Variants in GRHL2 observed in about 807,000 individuals in gnomAD.
The protein encoded by GRHL2 is grainyhead like transcription factor 2.
GRHL2 carries 21 observed loss-of-function variants against 83.8 expected under a neutral mutation model. The observed-to-expected ratio is 0.25, with a 90% CI of 0.18 to 0.36. GRHL2 has a LOEUF of 0.36. Ranked by LOEUF, GRHL2 falls within the 10% of genes least tolerant of loss-of-function variation. The pLI, the probability that GRHL2 is intolerant of heterozygous loss-of-function variation, is 1.00. For synonymous variants in GRHL2, 280 were observed against 278.9 expected, an observed-to-expected ratio of 1.00 and a Z score of -0.04; for missense variants, 623 against 781.8, an observed-to-expected ratio of 0.80 and a Z score of 2.42.
At chr8:101,558,330 G>A in intron 3 of GRHL2, 89 bp from the exon 4 acceptor site, 1 of 1,467,862 alleles carries the variant, frequency 6.8e-7, no homozygotes, top group Non-Finnish European at 9.5e-7. Flanking sequence ...AACATCCAAT[G>A]ATTATTGCCT....
At chr8:101,548,847 G>A (rs1236247158) in intron 2 of GRHL2, among the ~76,000 whole-genome samples, 1 of 152,174 alleles carries the variant, frequency 6.6e-6, no homozygotes, top group Non-Finnish European at 1.5e-5. Flanking sequence ...CTCACATCAG[G>A]GGCTCTTGGC....
At chr8:101,575,290 A>G (rs1421332719) in intron 6 of GRHL2, among the ~76,000 whole-genome samples, 1 of 152,196 alleles carries the variant, frequency 6.6e-6, no homozygotes, top group African/African-American at 2.4e-5. Flanking sequence ...CAACCTGGAA[A>G]AAATGGTGGG....
the GRHL2 span, among the ~76,000 whole-genome samples, chr8:101,677,154 T>C: frequency 7.2e-5 from 11 of 151,836 alleles, no homozygotes; most frequent in Non-Finnish European, 1.6e-4. Flanking sequence ...ATGGCACATG[T>C]ATACATATGT....
chr8:101,525,931 C>A (rs1810794384), intron 1 of GRHL2, among the ~76,000 whole-genome samples: 1 of 152,212 alleles, frequency 6.6e-6, no homozygotes, highest in African/African-American at 2.4e-5. Flanking sequence ...CATGCCCCTG[C>A]ACTCCAGCTG....
At chr8:101,566,799 G>A (rs982387245) in intron 4 of GRHL2, among the ~76,000 whole-genome samples, 6 of 151,778 alleles carry the variant, frequency 4.0e-5, no homozygotes, top group East Asian at 1.9e-4. Flanking sequence ...TGAATTTGAT[G>A]AGCTCATATA....
intron 8 of GRHL2, among the ~76,000 whole-genome samples, chr8:101,600,153 A>G (rs1812480497): frequency 6.6e-6 from 1 of 152,134 alleles, no homozygotes; most frequent in South Asian, 2.1e-4. Context: ...GTCTCATTTC[A>G]CTCAAGTATA....
intron 1 of GRHL2, among the ~76,000 whole-genome samples, chr8:101,527,124 A>G (rs1383204494): frequency 6.6e-6 from 1 of 152,232 alleles, no homozygotes; most frequent in Non-Finnish European, 1.5e-5. Context: ...TTAGGGAAAT[A>G]GTTTTAAACT....
rs11342848 is a variant in GRHL2 at position 101,669,591 on chromosome 8, TA to T, written c.*2899del. On this transcript the variant is annotated 3_prime_UTR_variant, in exon 16 of 16. Coordinates refer to ENST00000646743, the MANE Select transcript of GRHL2 (RefSeq NM_024915.4). ...ATATGTACAATTTGCTCTCATGTTTTAAAAAAAAAAAGGTAAATGTAACTTA... is the reference window on the plus strand; with the variant it reads ...ATATGTACAATTTGCTCTCATGTTTTAAAAAAAAAAGGTAAATGTAACTTA... 0.28 allele frequency: 41,960 copies of T among 149,600 alleles called. 5,917 individuals are homozygous for T. Among genetic ancestry groups the T allele is most frequent in the Middle Eastern group, 0.34 (98 of 292 alleles). The allele number at this position is 149,600 out of a possible 1,614,324, so 9.3% of individuals were successfully genotyped here. A position where few individuals can be genotyped will look rare whatever the true frequency, so the allele number is the denominator to read the frequency against.
At chr8:101,518,069 T>G (rs1014693816) in intron 1 of GRHL2, among the ~76,000 whole-genome samples, 1 of 152,214 alleles carries the variant, frequency 6.6e-6, no homozygotes, top group African/African-American at 2.4e-5. Flanking sequence ...CAGCTCACCC[T>G]TCTGATCTGA....
Position 101,667,972 on chromosome 8 carries a change from A to G in GRHL2, c.*1269A>G, listed in dbSNP as rs1000926903. ...CTGGGGCTTCCTCCTGGGCCACCAGATGGAAAGGGGGTATTGTTTGCCTCA... is the reference window on the plus strand; with the variant it reads ...CTGGGGCTTCCTCCTGGGCCACCAGGTGGAAAGGGGGTATTGTTTGCCTCA... On this transcript the variant is annotated 3_prime_UTR_variant, in exon 16 of 16. Coordinates refer to ENST00000646743, the MANE Select transcript of GRHL2 (RefSeq NM_024915.4). 6.5e-6 allele frequency: 1 copy of G among 152,690 alleles called. No homozygotes were observed. Among genetic ancestry groups the G allele is most frequent in the African/African-American group, 2.4e-5 (1 of 41,440 alleles). The allele number at this position is 152,690 out of a possible 1,614,324, so 9.5% of individuals were successfully genotyped here.
intron 1 of GRHL2, among the ~76,000 whole-genome samples, chr8:101,515,545 T>TG (rs1246490873): frequency 1.3e-5 from 2 of 152,210 alleles, no homozygotes; most frequent in Non-Finnish European, 2.9e-5. Flanking sequence ...TGTTGCATGC[T>TG]GGGCACTGCA....
intron 13 of GRHL2, among the ~76,000 whole-genome samples, chr8:101,646,416 C>T (rs1163071851): frequency 6.6e-6 from 1 of 152,184 alleles, no homozygotes; most frequent in Non-Finnish European, 1.5e-5. Flanking sequence ...AGAAATTGTA[C>T]TGGGCTGTGG....
the GRHL2 span, among the ~76,000 whole-genome samples, chr8:101,677,255 T>C: frequency 6.6e-6 from 1 of 151,612 alleles, no homozygotes; most frequent in Non-Finnish European, 1.5e-5. Context: ...AAGATGAACA[T>C]CACCTGCTTG....
chr8:101,531,244 A>C (rs1810922755), intron 1 of GRHL2, among the ~76,000 whole-genome samples: 1 of 149,292 alleles, frequency 6.7e-6, no homozygotes, highest in Non-Finnish European at 1.5e-5. Context: ...AAAAAAAGAG[A>C]ACTCAGGCAC....
At chr8:101,652,305 T>C (rs1374771490) in intron 14 of GRHL2, among the ~76,000 whole-genome samples, 2 of 149,376 alleles carry the variant, frequency 1.3e-5, no homozygotes, top group Non-Finnish European at 3.0e-5. Flanking sequence ...AAATGTATAT[T>C]GGTAGTGTGT....
At chr8:101,527,375 T>A (rs1026374523) in intron 1 of GRHL2, among the ~76,000 whole-genome samples, 2 of 152,128 alleles carry the variant, frequency 1.3e-5, no homozygotes, top group South Asian at 2.1e-4. Flanking sequence ...ACATAAAAAA[T>A]TTTTTTGTAG....
chr8:101,499,072 C>CAAA (rs397965242), intron 1 of GRHL2, among the ~76,000 whole-genome samples: 11 of 91,336 alleles, frequency 1.2e-4, no homozygotes, highest in African/African-American at 4.0e-4. Context: ...GACTCCGTCT[C>CAAA]AAAAAAAAAA....
intron 12 of GRHL2, among the ~76,000 whole-genome samples, chr8:101,639,109 C>T (rs1813346646): frequency 6.6e-6 from 1 of 152,206 alleles, no homozygotes; most frequent in African/African-American, 2.4e-5. Context: ...AAATCTGTCT[C>T]ACCTCAAACT....
intron 1 of GRHL2, among the ~76,000 whole-genome samples, chr8:101,532,388 C>T (rs550612060): frequency 1.1e-4 from 16 of 152,168 alleles, no homozygotes; most frequent in Middle Eastern, 3.4e-3. Context: ...AGTAATCAGC[C>T]GTAGTGAATC....
Sources: gnomAD v4.1 joint callset for allele counts (sites outside exome capture counted in the v4.1 genomes callset) on GRCh38, gnomAD v4.1.1 for gene constraint, MANE v1.5 for transcripts, NCBI Gene and HGNC (gene_info 2026-07-23, HGNC 2026-07-21) for gene names.